Variants in ENPP2 observed in about 807,000 individuals in gnomAD.
ENPP2 encodes the protein autotaxin.
In ENPP2, 51 loss-of-function variants were observed where a neutral mutation model predicts 120.2. That is an observed-to-expected ratio of 0.42 (90% CI 0.34 to 0.54). The LOEUF (loss-of-function observed/expected upper bound fraction) is 0.54, where lower values mean the gene tolerates loss of function less well. ENPP2 is among the 20% of genes least tolerant of loss of function. The pLI is 0.04. For synonymous variants in ENPP2, 365 were observed against 366.4 expected, an observed-to-expected ratio of 1.00 and a Z score of 0.04; for missense variants, 920 against 1,066.5, an observed-to-expected ratio of 0.86 and a Z score of 1.91.
At chr8:119,599,053 TC>T (rs1278170404) in intron 11 of ENPP2, among the ~76,000 whole-genome samples, 1 of 152,188 alleles carries the variant, frequency 6.6e-6, no homozygotes, top group African/African-American at 2.4e-5. Flanking sequence ...TTCCTTTTGT[TC>T]CCTTTAGGTT....
At chr8:119,592,904 G>A (rs12114601) in intron 12 of ENPP2, 1 of 636,598 alleles carries the variant, frequency 1.6e-6, no homozygotes, top group Non-Finnish European at 1.9e-6. Flanking sequence ...TTCAGGACCA[G>A]AGCTAGGGAG....
chr8:119,673,290 G>A, exon 1 of ENPP2: 2 of 1,535,270 alleles, frequency 1.3e-6, no homozygotes, highest in Non-Finnish European at 1.7e-6. Context: ...GAGTCTCGGC[G>A]TCTGTTCCTG....
intron 22 of ENPP2, 90 bp from the exon 23 acceptor site, chr8:119,565,045 C>G: frequency 4.7e-6 from 5 of 1,070,112 alleles, no homozygotes; most frequent in Non-Finnish European, 6.8e-6. Flanking sequence ...TGCTACGAGC[C>G]AAATCTCACA....
At position 119,650,777 on chromosome 8, in the gene ENPP2, G is replaced by T. The variant is rs1817604815; in HGVS notation, c.22-12250C>A. Reference sequence around the variant, plus strand: ...ACTGGGAGTTTGTCAGAGCAACTTGGCCCTCTGCCATATCTCTTTCATCAG... The same window carrying T: ...ACTGGGAGTTTGTCAGAGCAACTTGTCCCTCTGCCATATCTCTTTCATCAG... On this transcript the variant is annotated intron_variant, in intron 1 of 25. Transcript: ENST00000427067. Among the ~76,000 whole-genome samples, 5 of 152,114 alleles carry T rather than the reference G, an allele frequency of 3.3e-5. No individual in the cohort carries two copies. In the South Asian group the frequency reaches 1.0e-3, roughly 32 times the overall value.
At chr8:119,623,644 G>A (rs117376447) in intron 3 of ENPP2, among the ~76,000 whole-genome samples, 12,404 of 150,948 alleles carry the variant, frequency 0.082, 541 homozygotes, top group Non-Finnish European at 0.089. Flanking sequence ...TTGTTTTTTT[G>A]AGACAGAGTC....
chr8:119,673,115 C>T (rs143956581), intron 1 of ENPP2: 125 of 718,172 alleles, frequency 1.7e-4, no homozygotes, highest in Non-Finnish European at 2.5e-4. Context: ...GCTGAGTGCA[C>T]GGGAACACAG....
intron 1 of ENPP2, among the ~76,000 whole-genome samples, chr8:119,648,349 T>C (rs373762197): frequency 6.6e-6 from 1 of 152,274 alleles, no homozygotes; most frequent in African/African-American, 2.4e-5. Context: ...ATGGAGAGAT[T>C]ATATGTAAGT....
chr8:119,611,031 G>A (rs1270107299), intron 8 of ENPP2, among the ~76,000 whole-genome samples: 1 of 151,918 alleles, frequency 6.6e-6, no homozygotes, highest in East Asian at 1.9e-4. Flanking sequence ...TTCAACATTT[G>A]TGTCCTAGAT....
chr8:119,574,648 T>C (rs1205868504), intron 19 of ENPP2, among the ~76,000 whole-genome samples: 1 of 152,090 alleles, frequency 6.6e-6, no homozygotes, highest in East Asian at 1.9e-4. Context: ...TCCTTTTCCC[T>C]CCTCAGCTTC....
At chr8:119,620,578 AT>A (rs1391689790) in intron 4 of ENPP2, among the ~76,000 whole-genome samples, 19 of 152,340 alleles carry the variant, frequency 1.2e-4, no homozygotes, top group African/African-American at 4.1e-4. Context: ...TGATTTTGAA[AT>A]TTAAAAAGTG....
chr8:119,576,619 A>G (rs918798439), intron 19 of ENPP2, among the ~76,000 whole-genome samples: 6 of 152,228 alleles, frequency 3.9e-5, no homozygotes, highest in African/African-American at 1.2e-4. Flanking sequence ...ACCAAGGTGA[A>G]AATAAATGGT....
At chr8:119,588,452 C>A (rs951841294) in intron 13 of ENPP2, among the ~76,000 whole-genome samples, 6 of 150,092 alleles carry the variant, frequency 4.0e-5, no homozygotes, top group African/African-American at 1.5e-4. Flanking sequence ...TTGCTTGAAC[C>A]CAGGAGGCAG....
Position 119,583,974 on chromosome 8 carries a change from G to T in ENPP2, c.1443C>A (p.Val481=). 1 of 1,612,630 alleles carries T rather than the reference G, an allele frequency of 6.2e-7. No individual in the cohort carries two copies. The highest frequency in any genetic ancestry group is 8.5e-7 in the Non-Finnish European group (1 of 1,178,718). ...TCTGCCATCATACCTGCATGCTGTT[G>T]ACCTTGTTATCAAATCCGTGGTCTC... ...FQGDHGFDNK[V]NSMQTVFVGY... The change falls in exon 16 of 25, where the codon GTC becomes GTA. Residue 481 remains valine, a synonymous_variant. Transcript: ENST00000075322.
At chr8:119,572,114 G>A (rs753383317) in intron 19 of ENPP2, 70 of 872,836 alleles carry the variant, frequency 8.0e-5, no homozygotes, top group African/African-American at 2.0e-4. Flanking sequence ...CCAGCAAATC[G>A]TAACAGTAGT....
chr8:119,638,716 G>C, intron 1 of ENPP2, 32 bp downstream of exon 1: 4 of 1,300,444 alleles, frequency 3.1e-6, no homozygotes, highest in Non-Finnish European at 4.5e-6. Context: ...TGAAGATCAA[G>C]CATGTCCCCC....
intron 9 of ENPP2, among the ~76,000 whole-genome samples, chr8:119,605,634 A>T (rs1460352887): frequency 7.0e-6 from 1 of 143,760 alleles, no homozygotes; most frequent in Admixed American, 6.9e-5. Context: ...CTAATTTTGT[A>T]TTTTTTTTTT....
At chr8:119,592,473 C>CAAA (rs61330053) in intron 12 of ENPP2, among the ~76,000 whole-genome samples, 1,026 of 53,204 alleles carry the variant, frequency 0.019, 10 homozygotes, top group African/African-American at 0.024. Flanking sequence ...AACTCCACCT[C>CAAA]AAAAAAAAAA....
At chr8:119,618,635 G>A (rs1815649918) in intron 5 of ENPP2, among the ~76,000 whole-genome samples, 1 of 151,668 alleles carries the variant, frequency 6.6e-6, no homozygotes, top group African/African-American at 2.4e-5. Flanking sequence ...TGCCTCCTGG[G>A]TTCAAGCGAT....
At chr8:119,558,228 C>A (rs544852482) in intron 24 of ENPP2, among the ~76,000 whole-genome samples, 1 of 152,162 alleles carries the variant, frequency 6.6e-6, no homozygotes, top group Admixed American at 6.5e-5. Context: ...GAGGTCAACT[C>A]GAAACCACTC....
Sources: allele counts gnomAD v4.1 joint callset (sites outside exome capture counted in the v4.1 genomes callset), GRCh38; gene constraint gnomAD v4.1.1; transcripts MANE v1.5; gene names NCBI Gene and HGNC (gene_info 2026-07-23, HGNC 2026-07-21).